RIMS1: variants seen among roughly 807,000 people sequenced by gnomAD.
The protein encoded by RIMS1 is regulating synaptic membrane exocytosis protein 1.
In RIMS1, 83 loss-of-function variants were observed where a neutral mutation model predicts 214.1. The observed-to-expected ratio is 0.39, with a 90% CI of 0.32 to 0.47. The LOEUF (loss-of-function observed/expected upper bound fraction) is 0.47. Ranked by LOEUF, RIMS1 falls within the 20% of genes least tolerant of loss-of-function variation. RIMS1 has a pLI of 0.99. For missense variants in RIMS1, 2,050 were observed against 2,161.8 expected (o/e 0.95, Z 1.03); for synonymous variants, 793 against 786.8 (o/e 1.01, Z -0.13).
intron 1 of RIMS1, among the ~76,000 whole-genome samples, chr6:71,904,834 C>G (rs1774778658): frequency 6.6e-6 from 1 of 152,074 alleles, no homozygotes; most frequent in Admixed American, 6.6e-5. Flanking sequence ...ACAAGTCTAT[C>G]TATAGAACAC....
Position 71,886,863 on chromosome 6 carries a change from C to G in RIMS1, c.-161C>G. ...TGAAAGACTGGGTTCTCGCTCTCCC[C>G]GGCTCTGCTGCTGCTGCTGCTGCCG... On this transcript the variant is annotated 5_prime_UTR_variant, in exon 1 of 34. Coordinates refer to ENST00000521978, the MANE Select transcript of RIMS1 (RefSeq NM_014989.7). 3 of 716,996 alleles carry G rather than the reference C, an allele frequency of 4.2e-6. No homozygotes were observed. Among genetic ancestry groups the G allele is most frequent in the Non-Finnish European group, 7.0e-6 (3 of 427,476 alleles). The allele number at this position is 716,996 out of a possible 1,614,324, so 44.4% of individuals were successfully genotyped here. A position where few individuals can be genotyped will look rare whatever the true frequency, so the allele number is the denominator to read the frequency against.
chr6:72,238,909 A>T lies in RIMS1; in HGVS notation c.1957+987A>T, dbSNP rs913162817. 6.7e-5 allele frequency among the ~76,000 whole-genome samples: 10 copies of T among 150,160 alleles called. No homozygotes were observed. The South Asian group carries it at 2.1e-3, about 32-fold the overall frequency. On this transcript the variant is annotated intron_variant, in intron 9 of 33. Transcript: ENST00000521978. ...AGGATATCAGTTCAAAATCATTTTC[A>T]TTTTTTTTTTAATTTGACAAGGACT...
intron 1 of RIMS1, among the ~76,000 whole-genome samples, chr6:71,895,164 T>C (rs945067004): frequency 1.3e-5 from 2 of 152,196 alleles, no homozygotes; most frequent in African/African-American, 4.8e-5. Flanking sequence ...TGGAGTTTTC[T>C]TGCTGTATTT....
chr6:72,139,931 A>G (rs1041495729), intron 4 of RIMS1, among the ~76,000 whole-genome samples: 8 of 152,178 alleles, frequency 5.3e-5, no homozygotes, highest in African/African-American at 1.9e-4. Flanking sequence ...AGAGGCTTGA[A>G]GATTGATTTA....
chr6:71,936,515 A>C (rs1293397397), intron 1 of RIMS1, among the ~76,000 whole-genome samples: 1 of 152,164 alleles, frequency 6.6e-6, no homozygotes, highest in Non-Finnish European at 1.5e-5. Context: ...CACAAAGCAG[A>C]ATGTTTAGTT....
At chr6:71,982,570 C>G (rs770363094) in intron 2 of RIMS1, among the ~76,000 whole-genome samples, 1 of 152,116 alleles carries the variant, frequency 6.6e-6, no homozygotes, top group Non-Finnish European at 1.5e-5. Context: ...TTTCCATTCT[C>G]ACAGTCACAC....
At chr6:71,968,706 T>C (rs1184159747) in intron 1 of RIMS1, among the ~76,000 whole-genome samples, 2 of 152,218 alleles carry the variant, frequency 1.3e-5, no homozygotes, top group African/African-American at 4.8e-5. Context: ...GTAGCTTTTC[T>C]GCTATGGGAA....
At chr6:72,081,078 T>C (rs1208404688) in intron 2 of RIMS1, among the ~76,000 whole-genome samples, 1 of 152,154 alleles carries the variant, frequency 6.6e-6, no homozygotes, top group Non-Finnish European at 1.5e-5. Flanking sequence ...CTGAACAGCT[T>C]TCAGTTCAAT....
chr6:71,956,575 A>C (rs1430493423), intron 1 of RIMS1, among the ~76,000 whole-genome samples: 1 of 152,216 alleles, frequency 6.6e-6, no homozygotes, highest in Admixed American at 6.5e-5. Context: ...AATCAAACTG[A>C]TGCAGTAGTC....
chr6:72,022,532 G>A (rs1261616436), intron 2 of RIMS1, among the ~76,000 whole-genome samples: 1 of 152,074 alleles, frequency 6.6e-6, no homozygotes, highest in Non-Finnish European at 1.5e-5. Flanking sequence ...TTAGTGTATG[G>A]TTGTTAACTT....
chr6:72,162,856 A>G (rs2045657133), intron 4 of RIMS1, among the ~76,000 whole-genome samples: 1 of 139,084 alleles, frequency 7.2e-6, no homozygotes, highest in Admixed American at 7.4e-5. Flanking sequence ...GAATCTGACA[A>G]TTATGTGTCT....
chr6:72,226,718 A>C (rs1336796859), intron 6 of RIMS1, among the ~76,000 whole-genome samples: 1 of 150,718 alleles, frequency 6.6e-6, no homozygotes, highest in Non-Finnish European at 1.5e-5. Flanking sequence ...GCCAATTAAT[A>C]ATTTTTACAA....
chr6:72,299,796 ACT>A (rs1324953873), intron 26 of RIMS1, among the ~76,000 whole-genome samples: 2 of 151,784 alleles, frequency 1.3e-5, no homozygotes, highest in African/African-American at 4.8e-5. Flanking sequence ...CAAATTATGT[ACT>A]CTTTTTAAAA....
chr6:72,335,011 T>G (rs2096790728), intron 29 of RIMS1, among the ~76,000 whole-genome samples: 1 of 151,894 alleles, frequency 6.6e-6, no homozygotes, highest in Admixed American at 6.6e-5. Context: ...GTGTTGTTTC[T>G]TTTGTTTAAA....
intron 4 of RIMS1, among the ~76,000 whole-genome samples, chr6:72,147,584 G>A (rs192772868): frequency 6.6e-6 from 1 of 152,148 alleles, no homozygotes; most frequent in African/African-American, 2.4e-5. Context: ...GGCCTCTCAT[G>A]TGTGTGTGCA....
intron 2 of RIMS1, among the ~76,000 whole-genome samples, chr6:72,078,047 AC>A (rs1832364527): frequency 6.6e-6 from 1 of 152,204 alleles, no homozygotes; most frequent in East Asian, 1.9e-4. Context: ...TAAAGCTAAA[AC>A]AAAACCCAGA....
At position 72,303,365 on chromosome 6, in the gene RIMS1, T is replaced by A. The variant is rs1482764360; in HGVS notation, c.3851-3893T>A. 2.0e-5 allele frequency among the ~76,000 whole-genome samples: 3 copies of A among 150,964 alleles called. No individual in the cohort carries two copies. The East Asian group carries it at 5.8e-4, about 29-fold the overall frequency. ...AGATTATAAAATGATTTTAGTTTCT[T>A]CATAGATTTATTAAAGATCATTGAT... On this transcript the variant is annotated intron_variant, in intron 26 of 33. Transcript: ENST00000521978.
At chr6:72,103,301 G>A (rs1024073757) in intron 4 of RIMS1, among the ~76,000 whole-genome samples, 5 of 152,006 alleles carry the variant, frequency 3.3e-5, no homozygotes, top group Non-Finnish European at 7.4e-5. Flanking sequence ...AAATTTGCTA[G>A]CCTGTTTTTG....
chr6:72,034,365 A>T (rs1486176399), intron 2 of RIMS1, among the ~76,000 whole-genome samples: 8 of 152,142 alleles, frequency 5.3e-5, no homozygotes, highest in Admixed American at 5.2e-4. Flanking sequence ...CCGCTTATTA[A>T]TAATAAAAAG....
Sources: allele counts gnomAD v4.1 joint callset (sites outside exome capture counted in the v4.1 genomes callset), GRCh38; gene constraint gnomAD v4.1.1; transcripts MANE v1.5; gene names NCBI Gene and HGNC (gene_info 2026-07-23, HGNC 2026-07-21).